Variants in CTNND2 observed in about 807,000 individuals in gnomAD.
CTNND2 encodes catenin delta 2.
CTNND2 carries 22 observed loss-of-function variants against 144.4 expected under a neutral mutation model. The ratio of observed to expected loss-of-function variants is 0.15; its 90% CI spans 0.11 to 0.22. CTNND2 has a LOEUF of 0.22. Ranked by LOEUF, CTNND2 falls within the 10% of genes least tolerant of loss-of-function variation. CTNND2 has a pLI of 1.00. For synonymous variants in CTNND2, 751 were observed against 695.6 expected, an observed-to-expected ratio of 1.08 and a Z score of -1.25; for missense variants, 1,353 against 1,618.8, an observed-to-expected ratio of 0.84 and a Z score of 2.82.
At position 11,088,824 on chromosome 5, in the gene CTNND2, C is replaced by G. The variant is rs1750451864; in HGVS notation, c.2638-5978G>C. The stretch of plus-strand genomic sequence containing the variant: ...GTCTAGTATAAATCTAATATATTAG[C>G]AAATTCTTCAGAAGACAGAATCTTA... On this transcript the variant is annotated intron_variant, in intron 15 of 21. Transcript: ENST00000304623. Among the ~76,000 whole-genome samples, 5 of 152,120 alleles carry G rather than the reference C, an allele frequency of 3.3e-5. No individual in the cohort carries two copies. In the South Asian group the frequency reaches 1.0e-3, roughly 32 times the overall value.
At chr5:11,382,772 C>T (rs1165360472) in intron 7 of CTNND2, among the ~76,000 whole-genome samples, 1 of 152,078 alleles carries the variant, frequency 6.6e-6, no homozygotes, top group Non-Finnish European at 1.5e-5. Context: ...GACCTAACTG[C>T]TCTTTCAACT....
chr5:11,271,801 G>A (rs1380537915), intron 9 of CTNND2, among the ~76,000 whole-genome samples: 2 of 152,140 alleles, frequency 1.3e-5, no homozygotes, highest in Admixed American at 6.6e-5. Flanking sequence ...TTGAAATGGG[G>A]ATGTCTGGGA....
At chr5:11,054,072 A>ATCTCTTTT (rs1372205629) in intron 16 of CTNND2, among the ~76,000 whole-genome samples, 1 of 152,224 alleles carries the variant, frequency 6.6e-6, no homozygotes, top group African/African-American at 2.4e-5. Flanking sequence ...AAAATGCTTA[A>ATCTCTTTT]TCTCTTTTTC....
At chr5:11,569,974 G>C (rs1194504294) in intron 2 of CTNND2, among the ~76,000 whole-genome samples, 2 of 152,104 alleles carry the variant, frequency 1.3e-5, no homozygotes, top group Non-Finnish European at 1.5e-5. Context: ...TGCAATTTAT[G>C]GTATTTGGTT....
chr5:11,550,078 T>TCAGTG (rs1775629120), intron 3 of CTNND2, among the ~76,000 whole-genome samples: 1 of 152,236 alleles, frequency 6.6e-6, no homozygotes, highest in South Asian at 2.1e-4. Flanking sequence ...GAATACTTTC[T>TCAGTG]CAGTGCCTAA....
chr5:11,768,526 T>C (rs1400914389), intron 1 of CTNND2, among the ~76,000 whole-genome samples: 2 of 152,138 alleles, frequency 1.3e-5, no homozygotes, highest in African/African-American at 4.8e-5. Context: ...CCTAACCCCA[T>C]GTGATCGGCC....
chr5:11,595,633 G>A (rs1221933559), intron 2 of CTNND2, among the ~76,000 whole-genome samples: 2 of 152,028 alleles, frequency 1.3e-5, no homozygotes, highest in African/African-American at 4.8e-5. Context: ...TCAAAGCAGG[G>A]TTTCTCAAAT....
intron 9 of CTNND2, among the ~76,000 whole-genome samples, chr5:11,265,767 G>A (rs1745379355): frequency 7.3e-6 from 1 of 137,896 alleles, no homozygotes. Context: ...ATGCAGTGGT[G>A]CAATCTTGGC....
At chr5:11,852,303 T>A (rs2400096) in intron 1 of CTNND2, among the ~76,000 whole-genome samples, 105,303 of 152,036 alleles carry the variant, frequency 0.69, 36,572 homozygotes, top group South Asian at 0.78. Flanking sequence ...CGTTCTTAAA[T>A]TTAGAAAAAA....
At chr5:11,376,506 CCA>C (rs753098412) in intron 7 of CTNND2, among the ~76,000 whole-genome samples, 7 of 152,100 alleles carry the variant, frequency 4.6e-5, no homozygotes, top group Non-Finnish European at 8.8e-5. Flanking sequence ...CAGCTTCTTT[CCA>C]CAGTGTCAAG....
intron 2 of CTNND2, among the ~76,000 whole-genome samples, chr5:11,567,169 T>C (rs1449998122): frequency 6.6e-6 from 1 of 152,156 alleles, no homozygotes; most frequent in East Asian, 1.9e-4. Context: ...TTATTTTTTT[T>C]TTAATTGAGA....
chr5:11,840,815 CA>C (rs1479230432), intron 1 of CTNND2, among the ~76,000 whole-genome samples: 1 of 151,972 alleles, frequency 6.6e-6, no homozygotes, highest in Non-Finnish European at 1.5e-5. Context: ...AAGAAATACC[CA>C]AAAATCTGAC....
At chr5:11,339,602 C>A (rs1394004015) in intron 9 of CTNND2, among the ~76,000 whole-genome samples, 2 of 152,128 alleles carry the variant, frequency 1.3e-5, no homozygotes, top group Admixed American at 6.6e-5. Context: ...ATGTTTGTGA[C>A]CCCCTAGATT....
intron 2 of CTNND2, among the ~76,000 whole-genome samples, chr5:11,716,498 C>A (rs1158455120): frequency 1.3e-5 from 2 of 152,102 alleles, no homozygotes; most frequent in African/African-American, 4.8e-5. Context: ...TTGAAATATT[C>A]ACATCACAGC....
intron 1 of CTNND2, among the ~76,000 whole-genome samples, chr5:11,778,577 T>C (rs933760284): frequency 4.6e-5 from 7 of 152,186 alleles, no homozygotes. Flanking sequence ...TTGAGAGATA[T>C]TCTACAATAT....
chr5:11,511,757 T>C (rs1157736392), intron 3 of CTNND2, among the ~76,000 whole-genome samples: 1 of 152,160 alleles, frequency 6.6e-6, no homozygotes, highest in African/African-American at 2.4e-5. Context: ...TAGGTTTCTG[T>C]CCGTGGCTGC....
At chr5:11,143,446 C>T (rs1756938349) in intron 12 of CTNND2, among the ~76,000 whole-genome samples, 1 of 152,202 alleles carries the variant, frequency 6.6e-6, no homozygotes, top group Non-Finnish European at 1.5e-5. Flanking sequence ...TGGTGGTTTG[C>T]TGGCAGTCTT....
chr5:11,513,596 T>C (rs567031959), intron 3 of CTNND2, among the ~76,000 whole-genome samples: 3 of 152,326 alleles, frequency 2.0e-5, no homozygotes, highest in South Asian at 4.1e-4. Flanking sequence ...AAATAGAAGA[T>C]GGGCAAAAAT....
chr5:11,652,468 C>T (rs773910384), intron 2 of CTNND2, among the ~76,000 whole-genome samples: 5 of 152,190 alleles, frequency 3.3e-5, no homozygotes, highest in South Asian at 2.1e-4. Flanking sequence ...AGCTTTCAGA[C>T]TGACTCTCAA....
Sources: gnomAD v4.1 joint callset for allele counts (sites outside exome capture counted in the v4.1 genomes callset) on GRCh38, gnomAD v4.1.1 for gene constraint, MANE v1.5 for transcripts, NCBI Gene and HGNC (gene_info 2026-07-23, HGNC 2026-07-21) for gene names.